Variants in AIG1 observed in about 807,000 individuals in gnomAD.
AIG1 encodes androgen-induced gene 1 protein.
In AIG1, 23 loss-of-function variants were observed where a neutral mutation model predicts 31.4. The ratio of observed to expected loss-of-function variants is 0.73; its 90% CI spans 0.53 to 1.04. The LOEUF (loss-of-function observed/expected upper bound fraction) is 1.04, where lower values mean the gene tolerates loss of function less well. AIG1 is among the 50% of genes least tolerant of loss of function. AIG1 has a pLI of 0.00. For missense variants in AIG1, 274 were observed against 295.0 expected (o/e 0.93, Z 0.52); for synonymous variants, 100 against 110.5 (o/e 0.90, Z 0.60).
intron 1 of AIG1, among the ~76,000 whole-genome samples, chr6:143,125,236 CA>C (rs1412774770): frequency 4.6e-5 from 7 of 152,050 alleles, no homozygotes; most frequent in Non-Finnish European, 2.9e-5. Flanking sequence ...TTTTTTCCCC[CA>C]GTAATTGCTT....
intron 4 of AIG1, among the ~76,000 whole-genome samples, chr6:143,319,065 G>A (rs1775991977): frequency 6.6e-6 from 1 of 152,164 alleles, no homozygotes; most frequent in Non-Finnish European, 1.5e-5. Flanking sequence ...AAAACAGTGT[G>A]GAGATTCTTT....
intron 2 of AIG1, among the ~76,000 whole-genome samples, chr6:143,139,223 C>T (rs1022750312): frequency 6.6e-6 from 1 of 152,188 alleles, no homozygotes; most frequent in Non-Finnish European, 1.5e-5. Flanking sequence ...ATATTTTCCT[C>T]CATCTATCAC....
intron 3 of AIG1, among the ~76,000 whole-genome samples, chr6:143,198,596 C>G (rs192954976): frequency 6.6e-6 from 1 of 152,340 alleles, no homozygotes; most frequent in East Asian, 1.9e-4. Context: ...CAGGCCAGTT[C>G]TTCCTCATGA....
intron 1 of AIG1, among the ~76,000 whole-genome samples, chr6:143,118,702 C>T (rs1367525876): frequency 6.6e-6 from 1 of 152,102 alleles, no homozygotes; most frequent in Non-Finnish European, 1.5e-5. Context: ...AACCCAAAGA[C>T]TTATCATTTA....
chr6:143,122,191 A>G (rs1348606209), intron 1 of AIG1, among the ~76,000 whole-genome samples: 2 of 152,150 alleles, frequency 1.3e-5, no homozygotes, highest in African/African-American at 4.8e-5. Context: ...AAAGAAACAT[A>G]TATTTTTATT....
At chr6:143,184,935 C>T (rs150227179) in intron 3 of AIG1, among the ~76,000 whole-genome samples, 1,923 of 152,310 alleles carry the variant, frequency 0.013, 19 homozygotes, top group Non-Finnish European at 0.02. Flanking sequence ...CAATGGCTCA[C>T]GCCTGTAGTC....
intron 3 of AIG1, among the ~76,000 whole-genome samples, chr6:143,198,783 G>T (rs1204792334): frequency 6.6e-6 from 1 of 152,174 alleles, no homozygotes; most frequent in African/African-American, 2.4e-5. Flanking sequence ...CCCAAAAATT[G>T]CACACATCAC....
At chr6:143,173,710 G>C (rs1787865891) in intron 3 of AIG1, among the ~76,000 whole-genome samples, 1 of 152,052 alleles carries the variant, frequency 6.6e-6, no homozygotes, top group Non-Finnish European at 1.5e-5. Flanking sequence ...GTTCCTTTTG[G>C]AGTTGATTTC....
At chr6:143,254,651 A>C (rs1408531354) in intron 3 of AIG1, among the ~76,000 whole-genome samples, 1 of 152,084 alleles carries the variant, frequency 6.6e-6, no homozygotes, top group Non-Finnish European at 1.5e-5. Context: ...GCTCTAATGA[A>C]GTGTTTATTA....
Position 143,165,184 on chromosome 6 carries a change from G to T in AIG1, c.399+1G>T, listed in dbSNP as rs777505657. 6.2e-7 allele frequency: 1 copy of T among 1,606,048 alleles called. No homozygotes were observed. Among genetic ancestry groups the T allele is most frequent in the South Asian group, 1.1e-5 (1 of 90,872 alleles). ...CCCAGGGTGGCTGAATCACGGAATG[G>T]TGAGTGGATTAAAACAAACGGCTTT... On this transcript the variant is annotated splice_donor_variant, in intron 3 of 5. Coordinates refer to ENST00000357847, the MANE Select transcript of AIG1 (RefSeq NM_016108.4). LOFTEE classifies it high-confidence loss of function.
chr6:143,216,882 A>G (rs145558371), intron 3 of AIG1, among the ~76,000 whole-genome samples: 1 of 152,346 alleles, frequency 6.6e-6, no homozygotes, highest in Non-Finnish European at 1.5e-5. Context: ...CAAGGAAGCT[A>G]TTAGGGCACC....
At position 143,339,741 on chromosome 6, in the gene AIG1, G is replaced by GAA; in HGVS notation, c.*65_*66insAA. On this transcript the variant is annotated 3_prime_UTR_variant, in exon 6 of 6. Coordinates refer to ENST00000357847, the MANE Select transcript of AIG1 (RefSeq NM_016108.4). ...TGAAGACTCCTTCCCCTCGGGCATT[G>GAA]GCAGTGGGGGAGAAAAGGCTTCAAA... 6.4e-7 allele frequency: 1 copy of GAA among 1,564,366 alleles called. No individual in the cohort carries two copies. Among genetic ancestry groups the GAA allele is most frequent in the Non-Finnish European group, 8.7e-7 (1 of 1,145,496 alleles).
At chr6:143,118,453 G>A (rs1427827123) in intron 1 of AIG1, among the ~76,000 whole-genome samples, 10 of 127,578 alleles carry the variant, frequency 7.8e-5, no homozygotes, top group South Asian at 7.4e-4. Context: ...GCGAGACTCC[G>A]TCTCAAAAAA....
chr6:143,171,056 GA>G (rs1463686846), intron 3 of AIG1, among the ~76,000 whole-genome samples: 1 of 151,962 alleles, frequency 6.6e-6, no homozygotes, highest in Admixed American at 6.6e-5. Context: ...AATAATAGCT[GA>G]AAACTTTCCA....
intron 5 of AIG1, among the ~76,000 whole-genome samples, chr6:143,336,595 A>G (rs908927580): frequency 1.3e-5 from 2 of 152,224 alleles, no homozygotes; most frequent in Non-Finnish European, 2.9e-5. Context: ...GGATTTCAGC[A>G]TATGAATTTG....
intron 3 of AIG1, among the ~76,000 whole-genome samples, chr6:143,263,000 G>C (rs1404987641): frequency 2.0e-5 from 3 of 152,152 alleles, no homozygotes; most frequent in Non-Finnish European, 4.4e-5. Flanking sequence ...TGACAGAAGA[G>C]AGCCACAAGT....
chr6:143,335,086 A>G (rs1220858738), intron 5 of AIG1: 2 of 1,450,676 alleles, frequency 1.4e-6, no homozygotes, highest in East Asian at 2.7e-5. Context: ...AGGACCATCT[A>G]GTTAGTTCCA....
intron 3 of AIG1, among the ~76,000 whole-genome samples, chr6:143,170,119 A>G (rs13199683): frequency 0.26 from 39,118 of 151,986 alleles, 5,904 homozygotes; most frequent in East Asian, 0.76. Context: ...GTTAGGAATA[A>G]TGCCCTCCCC....
intron 1 of AIG1, among the ~76,000 whole-genome samples, chr6:143,102,473 A>AT (rs2128484308): frequency 6.8e-6 from 1 of 147,174 alleles, no homozygotes; most frequent in Non-Finnish European, 1.5e-5. Context: ...TATATATATA[A>AT]AATATAATAT....
Sources: allele counts gnomAD v4.1 joint callset (sites outside exome capture counted in the v4.1 genomes callset), GRCh38; gene constraint gnomAD v4.1.1; transcripts MANE v1.5; gene names NCBI Gene and HGNC (gene_info 2026-07-23, HGNC 2026-07-21).